SYT6: variants seen among roughly 807,000 people sequenced by gnomAD.
SYT6 encodes synaptotagmin 6, also known as synaptotagmin-6.
SYT6 carries 24 observed loss-of-function variants against 38.4 expected under a neutral mutation model. The observed-to-expected ratio is 0.62, with a 90% CI of 0.45 to 0.88. SYT6 has a LOEUF of 0.88. Among genes scored for constraint, SYT6 ranks in the 40% least tolerant of loss-of-function variants. SYT6 has a pLI of 0.00. For synonymous variants in SYT6, 265 were observed against 241.9 expected (o/e 1.10, Z -0.89); for missense variants, 611 against 621.0 (o/e 0.98, Z 0.17).
chr1:114,124,663 C>G (rs1043870095), intron 3 of SYT6, among the ~76,000 whole-genome samples: 7 of 152,124 alleles, frequency 4.6e-5, no homozygotes, highest in Non-Finnish European at 1.0e-4. Context: ...CATCGGAGAC[C>G]AAGAGGAGGA....
chr1:114,117,364 A>G (rs773319918), intron 3 of SYT6, among the ~76,000 whole-genome samples: 1 of 152,222 alleles, frequency 6.6e-6, no homozygotes, highest in Non-Finnish European at 1.5e-5. Flanking sequence ...CTCCTGCCAC[A>G]TGGAGGCAGG....
chr1:114,112,858 A>G (rs1384587679), intron 3 of SYT6, among the ~76,000 whole-genome samples: 1 of 152,220 alleles, frequency 6.6e-6, no homozygotes, highest in Non-Finnish European at 1.5e-5. Flanking sequence ...GGGAGAGGGC[A>G]GACATCTCCC....
In SYT6 at chr1:114,146,053, A is replaced by G. The variant is rs79635531; in HGVS notation, c.164-6090T>C. Reference sequence around the variant, plus strand: ...CCCAGCACTCAATACTGGTTATATGAGACCAGGAGGCCCGTCCTATGCCTG... The same window carrying G: ...CCCAGCACTCAATACTGGTTATATGGGACCAGGAGGCCCGTCCTATGCCTG... On this transcript the variant is annotated intron_variant, in intron 1 of 7. Coordinates refer to ENST00000610222, the MANE Select transcript of SYT6 (RefSeq NM_001253772.2). Among the ~76,000 whole-genome samples, 1,045 of 152,228 alleles carry G rather than the reference A, an allele frequency of 6.9e-3. 13 individuals carry two copies. The highest frequency in any genetic ancestry group is 0.024 in the African/African-American group (990 of 41,544).
At chr1:114,114,653 G>A (rs1676884009) in intron 3 of SYT6, among the ~76,000 whole-genome samples, 1 of 152,150 alleles carries the variant, frequency 6.6e-6, no homozygotes, top group Non-Finnish European at 1.5e-5. Context: ...CTGGAGGCGG[G>A]GCCTGGATGT....
chr1:114,101,424 G>A (rs920550994), intron 4 of SYT6, among the ~76,000 whole-genome samples: 1 of 152,156 alleles, frequency 6.6e-6, no homozygotes, highest in Non-Finnish European at 1.5e-5. Flanking sequence ...GTGTATTTCA[G>A]CCTCATTGTC....
At chr1:114,096,188 G>A (rs996598275) in intron 6 of SYT6, among the ~76,000 whole-genome samples, 1 of 152,154 alleles carries the variant, frequency 6.6e-6, no homozygotes, top group African/African-American at 2.4e-5. Flanking sequence ...GCTGTCTGCA[G>A]GTTGTCTAGC....
intron 3 of SYT6, among the ~76,000 whole-genome samples, chr1:114,106,025 G>A (rs1167814091): frequency 6.6e-6 from 1 of 152,146 alleles, no homozygotes; most frequent in Admixed American, 6.5e-5. Context: ...TCTCACTCAG[G>A]TGCATCTCCT....
At chr1:114,142,060 C>T (rs925101867) in intron 1 of SYT6, among the ~76,000 whole-genome samples, 1 of 152,164 alleles carries the variant, frequency 6.6e-6, no homozygotes, top group Non-Finnish European at 1.5e-5. Flanking sequence ...TGTTTTCATG[C>T]CAGCTAAAAC....
At chr1:114,120,855 G>C (rs933654349) in intron 3 of SYT6, among the ~76,000 whole-genome samples, 1 of 152,222 alleles carries the variant, frequency 6.6e-6, no homozygotes, top group Non-Finnish European at 1.5e-5. Flanking sequence ...GGGTGTGGCT[G>C]GCTAGGACCC....
intron 3 of SYT6, among the ~76,000 whole-genome samples, chr1:114,133,591 G>A (rs1033460620): frequency 6.6e-6 from 1 of 152,218 alleles, no homozygotes; most frequent in Non-Finnish European, 1.5e-5. Flanking sequence ...CCTTGGGCAA[G>A]CCAGGCAGAA....
At chr1:114,097,023 A>G (rs1404207365) in intron 6 of SYT6, among the ~76,000 whole-genome samples, 3 of 152,188 alleles carry the variant, frequency 2.0e-5, no homozygotes, top group Admixed American at 6.5e-5. Flanking sequence ...GTTTGCAGAT[A>G]TTACTCAAAG....
intron 7 of SYT6, among the ~76,000 whole-genome samples, chr1:114,092,902 T>C (rs1464478108): frequency 6.6e-6 from 1 of 152,196 alleles, no homozygotes; most frequent in African/African-American, 2.4e-5. Flanking sequence ...GGGCTTTATG[T>C]TAATAACTTC....
At chr1:114,113,094 C>T (rs1676782880) in intron 3 of SYT6, among the ~76,000 whole-genome samples, 1 of 152,214 alleles carries the variant, frequency 6.6e-6, no homozygotes, top group Non-Finnish European at 1.5e-5. Flanking sequence ...TTCATCATCT[C>T]TTTGGGGACA....
chr1:114,101,758 C>A (rs1396524518), intron 4 of SYT6, among the ~76,000 whole-genome samples: 1 of 152,196 alleles, frequency 6.6e-6, no homozygotes, highest in Non-Finnish European at 1.5e-5. Context: ...AGCAAGTACA[C>A]CCCCACTGCT....
chr1:114,101,491 C>G (rs1005786386), intron 4 of SYT6, among the ~76,000 whole-genome samples: 1 of 152,194 alleles, frequency 6.6e-6, no homozygotes, highest in African/African-American at 2.4e-5. Context: ...TTGTAGCATA[C>G]TGGTCCTTAT....
At chr1:114,138,467 C>T (rs918197301) in intron 2 of SYT6, among the ~76,000 whole-genome samples, 1 of 152,154 alleles carries the variant, frequency 6.6e-6, no homozygotes, top group African/African-American at 2.4e-5. Context: ...ACCATCATCA[C>T]CATCACCATT....
chr1:114,105,233 C>T (rs895819336), intron 3 of SYT6, among the ~76,000 whole-genome samples: 1 of 152,152 alleles, frequency 6.6e-6, no homozygotes, highest in Admixed American at 6.5e-5. Flanking sequence ...AGAGAAGAGT[C>T]GAGGGTGACA....
intron 1 of SYT6, among the ~76,000 whole-genome samples, chr1:114,142,976 T>C (rs1386050637): frequency 6.6e-6 from 1 of 152,110 alleles, no homozygotes; most frequent in Non-Finnish European, 1.5e-5. Context: ...ATGTATACTT[T>C]TTGTAAGGCT....
At chr1:114,135,433 C>T (rs569015116) in intron 3 of SYT6, among the ~76,000 whole-genome samples, 2 of 152,248 alleles carry the variant, frequency 1.3e-5, no homozygotes, top group South Asian at 4.1e-4. Context: ...GTTTTCTACC[C>T]CAGCCCCACC....
Sources: allele counts gnomAD v4.1 joint callset (sites outside exome capture counted in the v4.1 genomes callset), GRCh38; gene constraint gnomAD v4.1.1; transcripts MANE v1.5; gene names NCBI Gene and HGNC (gene_info 2026-07-23, HGNC 2026-07-21).